The following FNBP1 variants were observed in gnomAD, a reference collection of about 807,000 sequenced individuals.
The protein encoded by FNBP1 is formin-binding protein 1.
FNBP1 carries 26 observed loss-of-function variants against 90.6 expected under a neutral mutation model. That is an observed-to-expected ratio of 0.29 (90% CI 0.21 to 0.40). The LOEUF (loss-of-function observed/expected upper bound fraction) is 0.40. Ranked by LOEUF, FNBP1 falls within the 10% of genes least tolerant of loss-of-function variation. FNBP1 has a pLI of 1.00. For missense variants in FNBP1, 635 were observed against 768.0 expected, an observed-to-expected ratio of 0.83 and a Z score of 2.05; for synonymous variants, 260 against 265.2, an observed-to-expected ratio of 0.98 and a Z score of 0.19.
intron 2 of FNBP1, among the ~76,000 whole-genome samples, chr9:129,988,278 TG>T (rs2052595834): frequency 6.6e-6 from 1 of 151,272 alleles, no homozygotes; most frequent in Non-Finnish European, 1.5e-5. Flanking sequence ...AAAATTAGGT[TG>T]TTCAGACTCA....
At chr9:129,937,759 C>T (rs2043702777) in intron 6 of FNBP1, among the ~76,000 whole-genome samples, 1 of 151,802 alleles carries the variant, frequency 6.6e-6, no homozygotes, top group Non-Finnish European at 1.5e-5. Flanking sequence ...TAAAGTTTAT[C>T]AGAGTTTGCC....
At chr9:129,971,370 C>T (rs535967249) in intron 4 of FNBP1, among the ~76,000 whole-genome samples, 1 of 151,986 alleles carries the variant, frequency 6.6e-6, no homozygotes, top group Admixed American at 6.6e-5. Flanking sequence ...AAGTAGTAAT[C>T]CTATTTTACA....
At chr9:130,014,160 G>T in intron 1 of FNBP1, 1 of 422,652 alleles carries the variant, frequency 2.4e-6, no homozygotes, top group South Asian at 1.7e-5. Flanking sequence ...CACTCAAATA[G>T]GGTGGCAGAG....
rs2055965315 is a variant in FNBP1 at position 130,007,698 on chromosome 9, G to A, written c.25-12740C>T. 2.0e-5 allele frequency among the ~76,000 whole-genome samples: 3 copies of A among 152,118 alleles called. No individual in the cohort carries two copies. In the South Asian group the frequency reaches 6.2e-4, roughly 31 times the overall value. On this transcript the variant is annotated intron_variant, in intron 1 of 16. Coordinates refer to ENST00000446176, the MANE Select transcript of FNBP1 (RefSeq NM_015033.3). ...AAACATCTCTAACTGCCCCAAAGAT[G>A]CGGAGTGAAAGACACTGTAAAAAAA...
intron 4 of FNBP1, among the ~76,000 whole-genome samples, chr9:129,968,691 G>A (rs865785930): frequency 2.6e-5 from 4 of 152,118 alleles, no homozygotes; most frequent in South Asian, 2.1e-4. Flanking sequence ...CAGAAACCTC[G>A]CGAGTAGTTT....
rs534461993 is a variant in FNBP1, at chr9:129,980,229, G to A, written c.141-855C>T. On this transcript the variant is annotated intron_variant, in intron 2 of 16. Transcript: ENST00000446176. ...TACAAAATTAGCTGGGCATGGTGGC[G>A]CATGCCTGTAATCCCAGCTACTCAG... Among the ~76,000 whole-genome samples, 404 of 151,426 alleles carry A rather than the reference G, an allele frequency of 2.7e-3. 5 individuals carry two copies. Among genetic ancestry groups the A allele is most frequent in the Middle Eastern group, 0.01 (3 of 294 alleles).
intron 15 of FNBP1, among the ~76,000 whole-genome samples, 200 bp downstream of exon 15, chr9:129,899,765 A>AGGAAGGGAAGGGAG (rs2036519265): frequency 7.4e-6 from 1 of 134,584 alleles, no homozygotes; most frequent in African/African-American, 2.7e-5. Context: ...AAGGAAGGGA[A>AGGAAGGGAAGGGAG]GGAAGGGAAG....
intron 1 of FNBP1, among the ~76,000 whole-genome samples, chr9:129,998,374 C>T (rs1404330670): frequency 6.6e-6 from 1 of 151,548 alleles, no homozygotes; most frequent in Non-Finnish European, 1.5e-5. Context: ...ATTAGCTGGG[C>T]CTGGTGGCGC....
Position 129,927,248 on chromosome 9 carries a change from C to G in FNBP1, c.736G>C (p.Gly246Arg), listed in dbSNP as rs777741397. The stretch of plus-strand genomic sequence containing the variant: ...TTTACTATTCCATCCAGGCACTTCC[C>G]AATGATTGGGATCACCTGCCGATCA... ...EVDRQVIPII[G>R]KCLDGIVKAA... is the part of the protein sequence containing the mutation. The change falls in exon 8 of 17, where the codon GGG (glycine) becomes CGG (arginine). Residue 246 changes from glycine (G) to arginine (R), a missense_variant. Physicochemically the swap from Gly to Arg is moderately radical, Grantham distance 125. Transcript: ENST00000446176. 6.2e-6 allele frequency: 10 copies of G among 1,613,938 alleles called. No individual in the cohort carries two copies. The highest frequency in any genetic ancestry group is 3.4e-6 in the Non-Finnish European group (4 of 1,179,820).
chr9:130,006,371 T>C (rs1031085616), intron 1 of FNBP1, among the ~76,000 whole-genome samples: 1 of 152,206 alleles, frequency 6.6e-6, no homozygotes, highest in African/African-American at 2.4e-5. Context: ...GGCAAAGGCC[T>C]GTAGTCTCAG....
At chr9:129,989,087 C>T (rs1253782607) in intron 2 of FNBP1, among the ~76,000 whole-genome samples, 1 of 152,190 alleles carries the variant, frequency 6.6e-6, no homozygotes, top group Admixed American at 6.5e-5. Context: ...CACATCCTTA[C>T]ATGTCTGGCT....
At chr9:130,000,156 A>G (rs1314417194) in intron 1 of FNBP1, among the ~76,000 whole-genome samples, 1 of 152,224 alleles carries the variant, frequency 6.6e-6, no homozygotes, top group Non-Finnish European at 1.5e-5. Context: ...TGGATCTTTT[A>G]CCTGTATATG....
intron 4 of FNBP1, among the ~76,000 whole-genome samples, chr9:129,972,038 G>T (rs992916736): frequency 6.6e-6 from 1 of 152,176 alleles, no homozygotes; most frequent in Admixed American, 6.6e-5. Flanking sequence ...CTTAAGTAAG[G>T]CATTATTTCT....
chr9:129,950,794 T>C (rs1467553748), intron 6 of FNBP1, among the ~76,000 whole-genome samples: 1 of 152,012 alleles, frequency 6.6e-6, no homozygotes, highest in Admixed American at 6.6e-5. Flanking sequence ...CTACGACTTG[T>C]ACCTTTTTCT....
intron 2 of FNBP1, among the ~76,000 whole-genome samples, chr9:129,984,736 G>T (rs1289600243): frequency 1.3e-5 from 2 of 152,092 alleles, no homozygotes; most frequent in African/African-American, 4.8e-5. Flanking sequence ...GAATCATGGG[G>T]GGGGCCGGTC....
At chr9:129,947,751 T>A (rs1031277238) in intron 6 of FNBP1, among the ~76,000 whole-genome samples, 5 of 151,354 alleles carry the variant, frequency 3.3e-5, no homozygotes. Flanking sequence ...GTCTCCCGAG[T>A]AGCTGACATT....
chr9:130,028,419 TAGTC>T (rs1287539488), intron 1 of FNBP1, among the ~76,000 whole-genome samples: 1 of 152,208 alleles, frequency 6.6e-6, no homozygotes, highest in Non-Finnish European at 1.5e-5. Context: ...CCTACACTAT[TAGTC>T]TGTCTTCAAA....
At chr9:129,960,816 GTTTTGGGCACC>G (rs2132929677) in intron 4 of FNBP1, among the ~76,000 whole-genome samples, 1 of 152,160 alleles carries the variant, frequency 6.6e-6, no homozygotes, top group East Asian at 1.9e-4. Flanking sequence ...GAGGGGTCAG[GTTTTGGGCACC>G]TTTTGATCAC....
intron 1 of FNBP1, among the ~76,000 whole-genome samples, chr9:130,016,525 C>T (rs767925903): frequency 9.9e-5 from 15 of 152,198 alleles, no homozygotes; most frequent in Non-Finnish European, 1.8e-4. Flanking sequence ...TGGCGGATCA[C>T]CTGAGGCTGG....
Sources: allele counts gnomAD v4.1 joint callset (sites outside exome capture counted in the v4.1 genomes callset), GRCh38; gene constraint gnomAD v4.1.1; transcripts MANE v1.5; gene names NCBI Gene and HGNC (gene_info 2026-07-23, HGNC 2026-07-21).